Variants in FAM114A2 observed in about 807,000 individuals in gnomAD.
FAM114A2 encodes the protein family with sequence similarity 114 member A2, also known as protein FAM114A2.
Under a neutral mutation model 58.4 loss-of-function variants are expected in FAM114A2, and 53 were observed. The ratio of observed to expected loss-of-function variants is 0.91; its 90% confidence interval spans 0.73 to 1.14. FAM114A2 has a LOEUF of 1.14. Ranked by LOEUF, FAM114A2 falls within the 50% of genes most tolerant of loss-of-function variation. The pLI, the probability that FAM114A2 is intolerant of heterozygous loss-of-function variation, is 0.00. For missense variants in FAM114A2, 601 were observed against 581.1 expected (o/e 1.03, Z -0.35); for synonymous variants, 228 against 211.4 (o/e 1.08, Z -0.68).
chr5:154,017,968 C>T (rs1032787526), intron 8 of FAM114A2, among the ~76,000 whole-genome samples: 2 of 152,028 alleles, frequency 1.3e-5, no homozygotes, highest in Non-Finnish European at 2.9e-5. Flanking sequence ...AAAGTCTGAA[C>T]GAGCACTAAC....
Position 153,992,819 on chromosome 5 carries a change from C to A in FAM114A2, c.*157G>T. 1 of 536,812 alleles carries A rather than the reference C, an allele frequency of 1.9e-6. No homozygotes were observed. Among genetic ancestry groups the A allele is most frequent in the Admixed American group, 3.2e-5 (1 of 31,114 alleles). The allele number at this position is 536,812 out of a possible 1,614,324, so 33.3% of individuals were successfully genotyped here. A position where few individuals can be genotyped will look rare whatever the true frequency, so the allele number is the denominator to read the frequency against. ...ACTGTGAGAACCTGAATACTTCAAT[C>A]AAACACTGAAGGCAACAATCTTCCT... On this transcript the variant is annotated 3_prime_UTR_variant, in exon 14 of 14. Coordinates refer to ENST00000351797, the MANE Select transcript of FAM114A2 (RefSeq NM_018691.4).
chr5:154,017,369 G>A (rs544454662), intron 8 of FAM114A2, among the ~76,000 whole-genome samples: 2 of 152,358 alleles, frequency 1.3e-5, no homozygotes, highest in African/African-American at 4.8e-5. Context: ...TTGAACCTGG[G>A]AGGCAGAGGT....
At chr5:154,015,789 A>G (rs994240937) in intron 8 of FAM114A2, among the ~76,000 whole-genome samples, 1 of 152,188 alleles carries the variant, frequency 6.6e-6, no homozygotes, top group African/African-American at 2.4e-5. Context: ...GATTCAACTG[A>G]AAAAGAATTC....
Position 154,034,905 on chromosome 5 carries a change from G to A in FAM114A2, c.49C>T (p.Pro17Ser). Residue 17 changes from proline (P) to serine (S), a missense_variant, in exon 2 of 14, where the codon CCC becomes TCC. Coordinates refer to ENST00000351797, the MANE Select transcript of FAM114A2 (RefSeq NM_018691.4). ...IETPLLTEAA[P>S]ILEDGNCEPA... ...TCACAGTTTCCATCTTCAAGGATGG[G>A]GGCTGCTTCAGTTAGCAGTGGAGTC... 1 of 1,613,892 alleles carries A rather than the reference G, an allele frequency of 6.2e-7. No homozygotes were observed. The highest frequency in any genetic ancestry group is 8.5e-7 in the Non-Finnish European group (1 of 1,179,828).
At chr5:154,020,618 G>C (rs939388816) in intron 8 of FAM114A2, among the ~76,000 whole-genome samples, 7 of 152,098 alleles carry the variant, frequency 4.6e-5, no homozygotes, top group Non-Finnish European at 4.4e-5. Context: ...TCTCTGAACA[G>C]AGCAATAACA....
At chr5:154,003,084 C>A (rs1382287409) in intron 9 of FAM114A2, 115 bp from the exon 10 acceptor site, 1 of 834,478 alleles carries the variant, frequency 1.2e-6, no homozygotes. Flanking sequence ...CTTACCTGAA[C>A]GTACCATCTA....
At chr5:154,003,992 G>C (rs1260478907) in intron 9 of FAM114A2, among the ~76,000 whole-genome samples, 1 of 152,108 alleles carries the variant, frequency 6.6e-6, no homozygotes, top group African/African-American at 2.4e-5. Context: ...ACTGCCTACA[G>C]TATTCAGTAC....
At chr5:154,011,201 C>A (rs1770673418) in intron 9 of FAM114A2, 40 bp downstream of exon 9, 1 of 1,425,430 alleles carries the variant, frequency 7.0e-7, no homozygotes, top group Middle Eastern at 1.8e-4. Context: ...TACATTTTTA[C>A]AAGTAAAATA....
At chr5:153,999,511 G>A (rs1287747092) in intron 11 of FAM114A2, among the ~76,000 whole-genome samples, 1 of 151,888 alleles carries the variant, frequency 6.6e-6, no homozygotes, top group Non-Finnish European at 1.5e-5. Flanking sequence ...GTGCACGCTT[G>A]TAATCCCAGC....
intron 1 of FAM114A2, among the ~76,000 whole-genome samples, chr5:154,037,575 A>G (rs1199158867): frequency 1.3e-5 from 2 of 152,210 alleles, no homozygotes; most frequent in Admixed American, 1.3e-4. Flanking sequence ...AATGTTTCCT[A>G]TCTTTTCCTT....
At chr5:154,023,280 T>C (rs1392841769) in intron 8 of FAM114A2, among the ~76,000 whole-genome samples, 1 of 151,998 alleles carries the variant, frequency 6.6e-6, no homozygotes, top group Non-Finnish European at 1.5e-5. Context: ...AAACTTAAAG[T>C]ATACTAATAA....
intron 4 of FAM114A2, among the ~76,000 whole-genome samples, chr5:154,030,834 TAAGC>T (rs1345621525): frequency 6.6e-6 from 1 of 152,168 alleles, no homozygotes; most frequent in Non-Finnish European, 1.5e-5. Context: ...AGCTCTAAGC[TAAGC>T]AATCCCCAGA....
intron 11 of FAM114A2, among the ~76,000 whole-genome samples, chr5:153,999,578 G>C (rs1007005333): frequency 6.7e-6 from 1 of 148,380 alleles, no homozygotes; most frequent in Non-Finnish European, 1.5e-5. Context: ...AGGTTGCAGT[G>C]AACGAGATTG....
intron 9 of FAM114A2, 105 bp from the exon 10 acceptor site, chr5:154,003,074 C>G: frequency 1.1e-6 from 1 of 946,520 alleles, no homozygotes; most frequent in Non-Finnish European, 1.6e-6. Context: ...GGCTCCTGTT[C>G]TTACCTGAAC....
intron 8 of FAM114A2, among the ~76,000 whole-genome samples, chr5:154,024,774 T>C (rs1182361207): frequency 6.6e-6 from 1 of 152,156 alleles, no homozygotes; most frequent in African/African-American, 2.4e-5. Flanking sequence ...GATTTGACAT[T>C]TAGAAAATAT....
At chr5:154,006,155 G>T (rs2113272505) in intron 9 of FAM114A2, among the ~76,000 whole-genome samples, 1 of 152,314 alleles carries the variant, frequency 6.6e-6, no homozygotes, top group African/African-American at 2.4e-5. Flanking sequence ...GGCAAACAGT[G>T]AGATATCTAG....
At chr5:153,997,928 G>GT in intron 11 of FAM114A2, 53 bp from the exon 12 acceptor site, 2 of 1,090,744 alleles carry the variant, frequency 1.8e-6, no homozygotes, top group Admixed American at 3.9e-5. Context: ...AAAAAAATAA[G>GT]TTATATTTAA....
chr5:154,025,920 G>C (rs1250590021), intron 8 of FAM114A2, among the ~76,000 whole-genome samples: 1 of 152,016 alleles, frequency 6.6e-6, no homozygotes, highest in Non-Finnish European at 1.5e-5. Context: ...TATGGTATAA[G>C]AGTTTTCAAA....
intron 8 of FAM114A2, among the ~76,000 whole-genome samples, chr5:154,025,083 T>A (rs1000220564): frequency 6.6e-6 from 1 of 152,194 alleles, no homozygotes; most frequent in Non-Finnish European, 1.5e-5. Flanking sequence ...CTGTGACTGT[T>A]ATCCTTTCAA....
Sources: gnomAD v4.1 joint callset for allele counts (sites outside exome capture counted in the v4.1 genomes callset) on GRCh38, gnomAD v4.1.1 for gene constraint, MANE v1.5 for transcripts, NCBI Gene and HGNC (gene_info 2026-07-23, HGNC 2026-07-21) for gene names.